GRXCR1: variants seen among roughly 807,000 people sequenced by gnomAD.
The protein encoded by GRXCR1 is glutaredoxin domain-containing cysteine-rich protein 1.
GRXCR1 carries 27 observed loss-of-function variants against 27.3 expected under a neutral mutation model. The ratio of observed to expected loss-of-function variants is 0.99; its 90% CI spans 0.73 to 1.37. The LOEUF is 1.37. Ranked by LOEUF, GRXCR1 falls within the 40% of genes most tolerant of loss-of-function variation. The pLI is 0.00. For missense variants in GRXCR1, 379 were observed against 354.4 expected, an observed-to-expected ratio of 1.07 and a Z score of -0.56; for synonymous variants, 122 against 131.1, an observed-to-expected ratio of 0.93 and a Z score of 0.47.
intron 2 of GRXCR1, among the ~76,000 whole-genome samples, chr4:42,980,186 G>T (rs76844124): frequency 0.032 from 4,888 of 151,422 alleles, 90 homozygotes; most frequent in African/African-American, 0.047. Flanking sequence ...TACTATCTTT[G>T]AGTTTAGTTT....
intron 1 of GRXCR1, among the ~76,000 whole-genome samples, chr4:42,919,015 A>G (rs772909681): frequency 2.6e-5 from 4 of 152,168 alleles, no homozygotes; most frequent in Admixed American, 1.3e-4. Context: ...CTCTTCTTCT[A>G]GTTGTCATGT....
rs540657952 is a variant in GRXCR1 at position 42,915,187 on chromosome 4, C to T, written c.384+21537C>T. On this transcript the variant is annotated intron_variant, in intron 1 of 3. Coordinates refer to ENST00000399770, the MANE Select transcript of GRXCR1 (RefSeq NM_001080476.3). ...CAGTAAAAGAGGCGGGGTAAACCTG[C>T]GGTAAACCTTGCTAACTTGCACCCA... Among the ~76,000 whole-genome samples the T allele has an allele frequency of 5.9e-5, 9 of 152,220 alleles. No homozygotes were observed. The East Asian group carries it at 9.7e-4, about 16-fold the overall frequency.
rs114409984 is a variant in GRXCR1 at position 42,972,824 on chromosome 4, T to G, written c.627+9690T>G. 4.4e-3 allele frequency among the ~76,000 whole-genome samples: 666 copies of G among 152,226 alleles called. 4 individuals carry two copies. The highest frequency in any genetic ancestry group is 6.4e-3 in the Non-Finnish European group (434 of 68,004). On this transcript the variant is annotated intron_variant, in intron 2 of 3. Transcript: ENST00000399770. ...GCTTTTAAAAGTTGAGGACTCAAAG[T>G]TCTAATCAATTGACAATGGCCTTCA...
intron 1 of GRXCR1, among the ~76,000 whole-genome samples, chr4:42,928,325 C>T (rs776666048): frequency 1.3e-5 from 2 of 151,922 alleles, no homozygotes; most frequent in Non-Finnish European, 2.9e-5. Flanking sequence ...ATAAAGAATA[C>T]CCATCCAGCA....
At chr4:42,935,599 A>T (rs1392647154) in intron 1 of GRXCR1, among the ~76,000 whole-genome samples, 1 of 151,896 alleles carries the variant, frequency 6.6e-6, no homozygotes, top group Non-Finnish European at 1.5e-5. Context: ...TAAGATCCAG[A>T]TATACAAAGA....
intron 2 of GRXCR1, among the ~76,000 whole-genome samples, chr4:43,016,627 GTGTGTT>G (rs959342741): frequency 3.3e-4 from 18 of 54,196 alleles, no homozygotes; most frequent in Non-Finnish European, 4.4e-4. Context: ...GGAAGCAGTT[GTGTGTT>G]TGTGTGTGTG....
At chr4:42,987,562 C>G (rs1711819158) in intron 2 of GRXCR1, among the ~76,000 whole-genome samples, 2 of 152,028 alleles carry the variant, frequency 1.3e-5, no homozygotes, top group South Asian at 4.2e-4. Flanking sequence ...GGATCCACCA[C>G]CTGGCCTAAA....
At chr4:42,980,958 G>GT (rs1433408389) in intron 2 of GRXCR1, among the ~76,000 whole-genome samples, 1 of 147,346 alleles carries the variant, frequency 6.8e-6, no homozygotes, top group Admixed American at 6.7e-5. Flanking sequence ...TGTTTTTTTT[G>GT]TGTTTTTTTT....
At chr4:42,947,107 A>G (rs145515964) in intron 1 of GRXCR1, among the ~76,000 whole-genome samples, 19 of 152,232 alleles carry the variant, frequency 1.2e-4, no homozygotes, top group Admixed American at 2.6e-4. Flanking sequence ...CTGGACTTCA[A>G]GTCTGGGTTG....
rs142718360 is a variant in GRXCR1 at position 42,971,358 on chromosome 4, C to T, written c.627+8224C>T. On this transcript the variant is annotated intron_variant, in intron 2 of 3. Transcript: ENST00000399770. ...TATAGCAATGCTCCACTACCAGTAC[C>T]AATTTCCTGTATTAGTTCATTTTCA... 6.6e-4 allele frequency among the ~76,000 whole-genome samples: 101 copies of T among 152,268 alleles called. No homozygotes were observed. The East Asian group carries it at 0.014, about 22-fold the overall frequency.
At chr4:42,900,319 T>A (rs1382267057) in intron 1 of GRXCR1, among the ~76,000 whole-genome samples, 1 of 152,178 alleles carries the variant, frequency 6.6e-6, no homozygotes, top group Non-Finnish European at 1.5e-5. Flanking sequence ...ATTTGAGACA[T>A]CTTTGCTCAA....
At chr4:42,987,273 TATATAGAG>T (rs1711799077) in intron 2 of GRXCR1, among the ~76,000 whole-genome samples, 2 of 105,788 alleles carry the variant, frequency 1.9e-5, no homozygotes, top group African/African-American at 3.6e-5. Context: ...TATATATATA[TATATAGAG>T]AGAGAGAGAG....
chr4:42,988,561 A>G lies in GRXCR1; in HGVS notation c.627+25427A>G, dbSNP rs1220753381. ...TATTAGGAAATTGGAATAAAAGTAGAATTAAATGTTCAGTTATAAGTATAT... is the reference window on the plus strand; with the variant it reads ...TATTAGGAAATTGGAATAAAAGTAGGATTAAATGTTCAGTTATAAGTATAT... On this transcript the variant is annotated intron_variant, in intron 2 of 3. Transcript: ENST00000399770. Among the ~76,000 whole-genome samples the G allele has an allele frequency of 2.0e-5, 3 of 152,348 alleles. No homozygotes were observed. In the East Asian group the frequency reaches 5.8e-4, roughly 29 times the overall value.
chr4:42,987,262 AT>A (rs1711796543), intron 2 of GRXCR1, among the ~76,000 whole-genome samples: 1 of 74,178 alleles, frequency 1.3e-5, no homozygotes, highest in African/African-American at 4.1e-5. Context: ...TATATATATA[AT>A]ATATATATAT....
chr4:42,984,910 C>G (rs890629275), intron 2 of GRXCR1, among the ~76,000 whole-genome samples: 11 of 152,066 alleles, frequency 7.2e-5, no homozygotes, highest in Non-Finnish European at 1.3e-4. Flanking sequence ...TCCACATGTA[C>G]CAGCCTGGAG....
chr4:42,912,316 GACTT>G (rs1339430671), intron 1 of GRXCR1, among the ~76,000 whole-genome samples: 2 of 152,146 alleles, frequency 1.3e-5, no homozygotes, highest in African/African-American at 4.8e-5. Flanking sequence ...GAATTACAAA[GACTT>G]AGTATTGAAA....
At chr4:42,911,434 A>G (rs1486364062) in intron 1 of GRXCR1, among the ~76,000 whole-genome samples, 1 of 152,166 alleles carries the variant, frequency 6.6e-6, no homozygotes, top group Admixed American at 6.6e-5. Flanking sequence ...CACATGTATC[A>G]AACGATGAAT....
intron 2 of GRXCR1, among the ~76,000 whole-genome samples, chr4:42,994,465 T>C (rs1189166926): frequency 6.6e-6 from 1 of 152,120 alleles, no homozygotes; most frequent in Non-Finnish European, 1.5e-5. Context: ...GCAGCTTCTA[T>C]AGGAGTAAAG....
At chr4:42,934,130 C>A (rs1475139800) in intron 1 of GRXCR1, among the ~76,000 whole-genome samples, 1 of 151,738 alleles carries the variant, frequency 6.6e-6, no homozygotes, top group East Asian at 1.9e-4. Flanking sequence ...GAGGCCTCTT[C>A]TTCTCTATGA....
Sources: gnomAD v4.1 joint callset for allele counts (sites outside exome capture counted in the v4.1 genomes callset) on GRCh38, gnomAD v4.1.1 for gene constraint, MANE v1.5 for transcripts, NCBI Gene and HGNC (gene_info 2026-07-23, HGNC 2026-07-21) for gene names.